RIT2: variants seen among roughly 807,000 people sequenced by gnomAD.
The protein encoded by RIT2 is GTP-binding protein Rit2.
A neutral mutation model predicts 23.7 loss-of-function variants in RIT2; 24 were observed. The observed-to-expected ratio is 1.01, with a 90% CI of 0.73 to 1.43. The LOEUF is 1.43. Among genes scored for constraint, RIT2 ranks in the 40% most tolerant of loss-of-function variants. RIT2 has a pLI of 0.00. For synonymous variants in RIT2, 107 were observed against 91.1 expected (o/e 1.17, Z -0.99); for missense variants, 236 against 266.9 (o/e 0.88, Z 0.81).
At chr18:42,749,580 G>A (rs1442661352) in intron 4 of RIT2, among the ~76,000 whole-genome samples, 2 of 151,696 alleles carry the variant, frequency 1.3e-5, no homozygotes, top group African/African-American at 4.8e-5. Context: ...GACAGATTAA[G>A]GGTGATGAAG....
At chr18:42,987,203 T>C in intron 2 of RIT2, among the ~76,000 whole-genome samples, 1 of 152,206 alleles carries the variant, frequency 6.6e-6, no homozygotes, top group East Asian at 1.9e-4. Flanking sequence ...CACACACATG[T>C]ATCATGGTCT....
At chr18:42,791,887 C>T (rs1914051848) in intron 4 of RIT2, among the ~76,000 whole-genome samples, 1 of 152,178 alleles carries the variant, frequency 6.6e-6, no homozygotes, top group East Asian at 1.9e-4. Flanking sequence ...CTGCCTTCTA[C>T]TGGTCTCAGT....
At chr18:42,935,848 C>A (rs952846509) in intron 3 of RIT2, among the ~76,000 whole-genome samples, 3 of 152,008 alleles carry the variant, frequency 2.0e-5, no homozygotes, top group Non-Finnish European at 2.9e-5. Flanking sequence ...TTAAGTGCCC[C>A]ATTTTGAGGT....
At chr18:42,917,559 A>G (rs916337948) in intron 4 of RIT2, among the ~76,000 whole-genome samples, 1 of 152,114 alleles carries the variant, frequency 6.6e-6, no homozygotes, top group Non-Finnish European at 1.5e-5. Context: ...AGAGCCTCCA[A>G]ATGCATCTCG....
rs553467328 is a variant in RIT2 at position 43,032,847 on chromosome 18, A to C, written c.160+964T>G. On this transcript the variant is annotated intron_variant, in intron 2 of 4. Transcript: ENST00000326695. ...GGGAAAGAATACAGGAGTATAATCT[A>C]CAGCATACCACTTAATATATCAAGT... Among the ~76,000 whole-genome samples the C allele has an allele frequency of 2.0e-5, 3 of 152,280 alleles. No homozygotes were observed. In the South Asian group the frequency reaches 6.2e-4, roughly 32 times the overall value.
At chr18:42,886,507 T>A (rs1284443559) in intron 4 of RIT2, among the ~76,000 whole-genome samples, 3 of 152,204 alleles carry the variant, frequency 2.0e-5, no homozygotes, top group African/African-American at 7.2e-5. Context: ...TTTCTTATAG[T>A]CTTTCATGGT....
At chr18:42,824,288 G>T (rs1906234348) in intron 4 of RIT2, among the ~76,000 whole-genome samples, 1 of 152,020 alleles carries the variant, frequency 6.6e-6, no homozygotes, top group African/African-American at 2.4e-5. Flanking sequence ...AAAAGCCAAA[G>T]AACAAGGGGA....
intron 1 of RIT2, among the ~76,000 whole-genome samples, chr18:43,068,828 G>A (rs1251508122): frequency 6.6e-6 from 1 of 152,064 alleles, no homozygotes; most frequent in African/African-American, 2.4e-5. Flanking sequence ...TTCAATTTGT[G>A]TTGGCACAGT....
At chr18:43,039,563 G>A (rs1405406940) in intron 1 of RIT2, among the ~76,000 whole-genome samples, 1 of 151,986 alleles carries the variant, frequency 6.6e-6, no homozygotes, top group Non-Finnish European at 1.5e-5. Flanking sequence ...GGTCAGGCTG[G>A]TCTCGAACTC....
At chr18:42,799,902 A>G (rs573739691) in intron 4 of RIT2, among the ~76,000 whole-genome samples, 23 of 152,270 alleles carry the variant, frequency 1.5e-4, no homozygotes, top group African/African-American at 5.1e-4. Context: ...TTCTCCCACC[A>G]TTATTATAGA....
chr18:42,832,688 CTAGT>C (rs1204012197), intron 4 of RIT2, among the ~76,000 whole-genome samples: 1 of 152,112 alleles, frequency 6.6e-6, no homozygotes, highest in African/African-American at 2.4e-5. Flanking sequence ...ATTTTCTCTT[CTAGT>C]TAATTTGAAA....
chr18:43,009,913 T>C (rs993624862), intron 2 of RIT2, among the ~76,000 whole-genome samples: 2 of 151,698 alleles, frequency 1.3e-5, no homozygotes, highest in African/African-American at 4.8e-5. Context: ...GTGTCCAGTT[T>C]TATCCACTCT....
intron 4 of RIT2, among the ~76,000 whole-genome samples, chr18:42,827,602 A>G (rs1906331379): frequency 6.6e-6 from 1 of 152,208 alleles, no homozygotes; most frequent in Admixed American, 6.5e-5. Flanking sequence ...AATCAGTAAG[A>G]AAAATAATAT....
At chr18:43,036,404 G>C (rs145533103) in intron 1 of RIT2, among the ~76,000 whole-genome samples, 1 of 152,180 alleles carries the variant, frequency 6.6e-6, no homozygotes, top group Non-Finnish European at 1.5e-5. Flanking sequence ...GCCGGGCGTG[G>C]TGGCGCATGC....
At chr18:43,098,415 G>A (rs772315194) in intron 1 of RIT2, among the ~76,000 whole-genome samples, 1 of 151,782 alleles carries the variant, frequency 6.6e-6, no homozygotes, top group Non-Finnish European at 1.5e-5. Context: ...CATTTGCTCA[G>A]GATTGCATGA....
At chr18:42,744,461 C>G (rs960815221) in intron 4 of RIT2, among the ~76,000 whole-genome samples, 23 of 151,998 alleles carry the variant, frequency 1.5e-4, no homozygotes, top group African/African-American at 5.3e-4. Flanking sequence ...CTCCAGAATT[C>G]AAAAAAGCAA....
intron 4 of RIT2, among the ~76,000 whole-genome samples, chr18:42,766,128 G>T (rs549424863): frequency 6.6e-6 from 1 of 152,150 alleles, no homozygotes; most frequent in African/African-American, 2.4e-5. Context: ...GTGGTGTGTT[G>T]CTGAAAAGAC....
At chr18:42,773,059 A>G (rs1913588457) in intron 4 of RIT2, among the ~76,000 whole-genome samples, 3 of 152,188 alleles carry the variant, frequency 2.0e-5, no homozygotes. Context: ...CTGTTTCTTT[A>G]TACACTGTAT....
chr18:42,900,770 C>T (rs1331773844), intron 4 of RIT2, among the ~76,000 whole-genome samples: 2 of 151,934 alleles, frequency 1.3e-5, no homozygotes, highest in Admixed American at 1.3e-4. Context: ...AGAGGAAAAA[C>T]TTAGATGTTT....
Sources: allele counts gnomAD v4.1 joint callset (sites outside exome capture counted in the v4.1 genomes callset), GRCh38; gene constraint gnomAD v4.1.1; transcripts MANE v1.5; gene names NCBI Gene and HGNC (gene_info 2026-07-23, HGNC 2026-07-21).